The following ELAVL3 variants were observed in gnomAD, a reference collection of about 807,000 sequenced individuals.
ELAVL3 encodes the protein ELAV like RNA binding protein 3, also known as ELAV-like protein 3.
Under a neutral mutation model 34.2 loss-of-function variants are expected in ELAVL3, and 8 were observed. That is an observed-to-expected ratio of 0.23 (90% confidence interval 0.14 to 0.42). ELAVL3 has a LOEUF of 0.42. ELAVL3 is among the 10% of genes least tolerant of loss of function. The probability of loss-of-function intolerance (pLI) is 1.00; values close to 1 mark genes in which losing one functional copy is unlikely to be tolerated. For missense variants in ELAVL3, 273 were observed against 518.8 expected, an observed-to-expected ratio of 0.53 and a Z score of 4.60; for synonymous variants, 209 against 222.1, an observed-to-expected ratio of 0.94 and a Z score of 0.53.
At chr19:11,470,767 G>A (rs539462625) in intron 1 of ELAVL3, among the ~76,000 whole-genome samples, 2 of 152,260 alleles carry the variant, frequency 1.3e-5, no homozygotes, top group Admixed American at 6.5e-5. Context: ...GTTAAGGAAC[G>A]TGCTGAAGTC....
Position 11,480,648 on chromosome 19 carries a change from C to A in ELAVL3, c.-40G>T. The A allele has an allele frequency of 7.1e-7, 1 of 1,415,470 alleles. No individual in the cohort carries two copies. The highest frequency in any genetic ancestry group is 9.3e-7 in the Non-Finnish European group (1 of 1,077,824). 87.7% of individuals were successfully genotyped at this position (1,415,470 alleles called of 1,614,324 possible). A position where few individuals can be genotyped will look rare whatever the true frequency, so the allele number is the denominator to read the frequency against. On this transcript the variant is annotated 5_prime_UTR_variant, in exon 1 of 7. Coordinates refer to ENST00000359227, the MANE Select transcript of ELAVL3 (RefSeq NM_001420.4). The surrounding 1 kb of genome is among the most constrained non-coding windows in gnomAD (Gnocchi z 6.8). ...CGGGCGCGGTCCGTGTTGAGGGGGG[C>A]TCCGGGGGTGGTGCACTCCTAGGGG...
Position 11,466,963 on chromosome 19 carries a change from A to C in ELAVL3, c.10-136T>G. 1 of 653,316 alleles carries C rather than the reference A, an allele frequency of 1.5e-6. No individual in the cohort carries two copies. The highest frequency in any genetic ancestry group is 2.6e-6 in the Non-Finnish European group (1 of 383,394). The allele number at this position is 653,316 out of a possible 1,614,324, so 40.5% of individuals were successfully genotyped here. A position where few individuals can be genotyped will look rare whatever the true frequency, so the allele number is the denominator to read the frequency against. On this transcript the variant is annotated intron_variant, in intron 1 of 6. Coordinates refer to ENST00000359227, the MANE Select transcript of ELAVL3 (RefSeq NM_001420.4). The surrounding 1 kb of genome is among the most constrained non-coding windows in gnomAD (Gnocchi z 5.0). ...TGGGGAGGGGTCACTTTATTATTCT[A>C]ATGATGGGAATAATGATGGGATTCC...
chr19:11,457,655 C>T (rs1297736197), intron 5 of ELAVL3, among the ~76,000 whole-genome samples: 1 of 152,132 alleles, frequency 6.6e-6, no homozygotes, highest in African/African-American at 2.4e-5. Flanking sequence ...CCTCAGGGTC[C>T]CCGTCCATAA....
Position 11,458,335 on chromosome 19 carries a change from G to A in ELAVL3, c.488-49C>T. 1.2e-6 allele frequency: 2 copies of A among 1,608,310 alleles called. No individual in the cohort carries two copies. Among genetic ancestry groups the A allele is most frequent in the Middle Eastern group, 1.7e-4 (1 of 6,050 alleles). Reference sequence around the variant, plus strand: ...TCACGACGACCCTGTCCCCTCCTGTGTAACCCCACTTCTCCCTTCCCTGCT... The same window carrying A: ...TCACGACGACCCTGTCCCCTCCTGTATAACCCCACTTCTCCCTTCCCTGCT... On this transcript the variant is annotated intron_variant, in intron 4 of 6. Coordinates refer to ENST00000359227, the MANE Select transcript of ELAVL3 (RefSeq NM_001420.4). The surrounding 1 kb of genome is among the most constrained non-coding windows in gnomAD (Gnocchi z 7.3).
chr19:11,470,972 A>G (rs2144905637), intron 1 of ELAVL3, among the ~76,000 whole-genome samples: 1 of 152,258 alleles, frequency 6.6e-6, no homozygotes, highest in East Asian at 1.9e-4. Flanking sequence ...CAGTCTCCCA[A>G]GTAGCTAGGA....
At chr19:11,471,591 C>G (rs751652227) in intron 1 of ELAVL3, among the ~76,000 whole-genome samples, 1 of 151,386 alleles carries the variant, frequency 6.6e-6, no homozygotes, top group African/African-American at 2.4e-5. Flanking sequence ...CCAGCCTGGG[C>G]GACAGAGAGA....
Position 11,454,455 on chromosome 19 carries a change from CTCTCTCTCTCTCTT to C in ELAVL3, c.*57_*70del, listed in dbSNP as rs1970723373. ...GCTGTCTCTCTTGGGCCCCTTCTCT[CTCTCTCTCTCTCTT>C]TCTCTCTCTCTCTCTCTGCTGCCCG... On this transcript the variant is annotated 3_prime_UTR_variant, in exon 7 of 7. Coordinates refer to ENST00000359227, the MANE Select transcript of ELAVL3 (RefSeq NM_001420.4). The surrounding 1 kb of genome is among the most constrained non-coding windows in gnomAD (Gnocchi z 9.2). 11 of 1,369,610 alleles carry C rather than the reference CTCTCTCTCTCTCTT, an allele frequency of 8.0e-6. No homozygotes were observed. Among genetic ancestry groups the C allele is most frequent in the Admixed American group, 2.4e-5 (1 of 41,038 alleles). 84.8% of individuals were successfully genotyped at this position (1,369,610 alleles called of 1,614,324 possible). A position where few individuals can be genotyped will look rare whatever the true frequency, so the allele number is the denominator to read the frequency against.
At chr19:11,477,320 C>T (rs1304666642) in intron 1 of ELAVL3, among the ~76,000 whole-genome samples, 2 of 152,110 alleles carry the variant, frequency 1.3e-5, no homozygotes, top group Non-Finnish European at 2.9e-5. Context: ...GAGACAGGGT[C>T]TTGCTCTGTT....
intron 1 of ELAVL3, among the ~76,000 whole-genome samples, chr19:11,478,454 T>C (rs1237587397): frequency 3.3e-5 from 5 of 152,102 alleles, no homozygotes; most frequent in Non-Finnish European, 5.9e-5. Flanking sequence ...CAGCCTGGGA[T>C]GGTGGCTACA....
intron 3 of ELAVL3, among the ~76,000 whole-genome samples, chr19:11,459,582 A>ATT (rs144024980): frequency 2.1e-5 from 3 of 145,924 alleles, no homozygotes; most frequent in Admixed American, 6.8e-5. Context: ...TAATCTTTAA[A>ATT]TTTTTTTTTT....
Position 11,453,808 on chromosome 19 carries a change from T to C in ELAVL3, c.*718A>G, listed in dbSNP as rs1970707190. The stretch of plus-strand genomic sequence containing the variant: ...CCCCCCCCACCCCCGCCCCAGTTGG[T>C]AAACATAACCTGCCAAAATATTTTC... On this transcript the variant is annotated 3_prime_UTR_variant, in exon 7 of 7. Coordinates refer to ENST00000359227, the MANE Select transcript of ELAVL3 (RefSeq NM_001420.4). 7.6e-6 allele frequency: 1 copy of C among 131,562 alleles called. No individual in the cohort carries two copies. The highest frequency in any genetic ancestry group is 1.6e-5 in the Non-Finnish European group (1 of 61,994). The allele number at this position is 131,562 out of a possible 1,614,324, so 8.1% of individuals were successfully genotyped here.
chr19:11,457,064 G>C, intron 6 of ELAVL3, 46 bp downstream of exon 6: 1 of 1,440,150 alleles, frequency 6.9e-7, no homozygotes, highest in Non-Finnish European at 9.1e-7. Context: ...TGCATCAGGG[G>C]CATGGATGGT....
intron 1 of ELAVL3, among the ~76,000 whole-genome samples, chr19:11,479,504 G>T (rs961967873): frequency 5.8e-4 from 88 of 152,206 alleles, no homozygotes; most frequent in African/African-American, 2.1e-3. Flanking sequence ...CAAAGGACGC[G>T]CGGCGGCGCG....
rs551421599 is a variant in ELAVL3 at position 11,463,069 on chromosome 19, T to C, written c.333+3103A>G. On this transcript the variant is annotated intron_variant, in intron 3 of 6. Coordinates refer to ENST00000359227, the MANE Select transcript of ELAVL3 (RefSeq NM_001420.4). ...TAGGAGCTGTGAGGGTACTTGCTGA[T>C]GAATCAGATTTGGGTTGAGGGATTA... Among the ~76,000 whole-genome samples, 4 of 152,226 alleles carry C rather than the reference T, an allele frequency of 2.6e-5. No homozygotes were observed. The South Asian group carries it at 6.2e-4, about 24-fold the overall frequency.
Position 11,461,405 on chromosome 19 carries a change from G to A in ELAVL3, c.334-2794C>T, listed in dbSNP as rs558118491. Among the ~76,000 whole-genome samples the A allele has an allele frequency of 3.9e-5, 6 of 152,190 alleles. No individual in the cohort carries two copies. The South Asian group carries it at 8.3e-4, about 21-fold the overall frequency. On this transcript the variant is annotated intron_variant, in intron 3 of 6. Coordinates refer to ENST00000359227, the MANE Select transcript of ELAVL3 (RefSeq NM_001420.4). ...TCACCAGGGACTGGGGAAGAGGCTG[G>A]GGCGTGGTCATCAGCAATTCTCCCC...
Position 11,452,883 on chromosome 19 carries a change from G to T in ELAVL3, c.*1643C>A, listed in dbSNP as rs1323921485. ...ACTAGGGCGATGCAATGTCCAGACA[G>T]AAGCCGGGGGCCGGGGCTCGAGATC... is the stretch of plus-strand genomic sequence containing the variant. On this transcript the variant is annotated 3_prime_UTR_variant, in exon 7 of 7. Transcript: ENST00000359227. The T allele has an allele frequency of 6.6e-6, 1 of 152,104 alleles. No homozygotes were observed. Among genetic ancestry groups the T allele is most frequent in the Non-Finnish European group, 1.5e-5 (1 of 68,004 alleles). The allele number at this position is 152,104 out of a possible 1,614,324, so 9.4% of individuals were successfully genotyped here. A position where few individuals can be genotyped will look rare whatever the true frequency, so the allele number is the denominator to read the frequency against.
intron 1 of ELAVL3, among the ~76,000 whole-genome samples, chr19:11,472,567 G>A (rs1899072740): frequency 6.6e-6 from 1 of 151,146 alleles, no homozygotes; most frequent in South Asian, 2.1e-4. Flanking sequence ...TAGTCATGGT[G>A]GCTTGCACCT....
intron 5 of ELAVL3, 122 bp from the exon 6 acceptor site, chr19:11,457,270 C>T (rs1264068875): frequency 9.1e-7 from 1 of 1,098,844 alleles, no homozygotes; most frequent in Non-Finnish European, 1.3e-6. Context: ...CCCCCGCCTG[C>T]CTGCTCCCCG....
intron 1 of ELAVL3, among the ~76,000 whole-genome samples, chr19:11,469,215 A>G (rs1971115263): frequency 6.6e-6 from 1 of 152,150 alleles, no homozygotes; most frequent in Non-Finnish European, 1.5e-5. Flanking sequence ...GGCGTGAGCC[A>G]CCGCACACAG....
Sources: gnomAD v4.1 joint callset for allele counts (sites outside exome capture counted in the v4.1 genomes callset) on GRCh38, gnomAD v4.1.1 for gene constraint, Gnocchi (gnomAD v3.1) non-coding constraint, MANE v1.5 for transcripts, NCBI Gene and HGNC (gene_info 2026-07-23, HGNC 2026-07-21) for gene names.